The following AHNAK2 variants were observed in gnomAD, a reference collection of about 807,000 sequenced individuals.
AHNAK2 encodes the protein protein AHNAK2.
In AHNAK2, 18 loss-of-function variants were observed where a neutral mutation model predicts 30.7. The observed-to-expected ratio is 0.59, with a 90% CI of 0.41 to 0.87. The LOEUF is 0.87. AHNAK2 is among the 40% of genes least tolerant of loss of function. AHNAK2 has a pLI of 0.00. For missense variants in AHNAK2, 8,604 were observed against 7,373.0 expected (o/e 1.17, Z -6.11); for synonymous variants, 3,590 against 3,073.8 (o/e 1.17, Z -5.56).
Position 104,946,622 on chromosome 14 carries a change from G to T in AHNAK2, c.8829C>A (p.Ser2943Arg), listed in dbSNP as rs756467850. Reference sequence around the variant, plus strand: ...TCGGGGCCTCGACGTCCACCTCCACGCTGGGCAGAGACACCTCCACGTCGG... The same window carrying T: ...TCGGGGCCTCGACGTCCACCTCCACTCTGGGCAGAGACACCTCCACGTCGG... The part of the protein sequence containing the change: ...TAPDVEVSLP[S>R]VEVDVEAPRA... Residue 2943 changes from serine to arginine, a missense_variant, in exon 7 of 7, where the codon AGC becomes AGA. By Grantham distance (110) the Ser-to-Arg change is moderately radical. Transcript: ENST00000333244. 108 of 1,612,478 alleles carry T rather than the reference G, an allele frequency of 6.7e-5. No homozygotes were observed. The highest frequency in any genetic ancestry group is 8.8e-5 in the Non-Finnish European group (104 of 1,179,648).
rs550923990 is a variant in AHNAK2, at chr14:104,948,803, C to G, written c.6648G>C (p.Gln2216His). 4.3e-6 allele frequency: 7 copies of G among 1,609,788 alleles called. No homozygotes were observed. The South Asian group carries it at 7.7e-5, about 18-fold the overall frequency. Residue 2216 changes from glutamine to histidine, a missense_variant, in exon 7 of 7, where the codon CAG becomes CAC. Gln to His is a conservative substitution (Grantham distance 24). Coordinates refer to ENST00000333244, the MANE Select transcript of AHNAK2 (RefSeq NM_138420.4). ...LSADVKVQAGQVDVKLLEGPV... is the reference protein window; with the variant it reads ...LSADVKVQAGHVDVKLLEGPV... The stretch of plus-strand genomic sequence containing the variant: ...GGCCCTCCAGGAGTTTCACGTCCAC[C>G]TGGCCAGCCTGGACCTTCACGTCGG...
chr14:104,940,319 G>A lies in AHNAK2; in HGVS notation c.15132C>T (p.Asp5044=), dbSNP rs370585189. ...SKSGVSLPQR[D]VDPSLSSATA... is the part of the protein sequence containing the mutation. ...TGGCACTAGAAAGGGAAGGATCCAC[G>A]TCTCTCTGTGGCAGGCTGACCCCAC... is the stretch of plus-strand genomic sequence containing the variant. Residue 5044 remains aspartate (D), a synonymous_variant, in exon 7 of 7, where the codon GAC becomes GAT. Transcript: ENST00000333244. This position sits in a 1 kb window ranked among gnomAD's most constrained non-coding sequence, Gnocchi z 4.4. 7.8e-5 allele frequency: 126 copies of A among 1,613,692 alleles called. No individual in the cohort carries two copies. The highest frequency in any genetic ancestry group is 3.3e-4 in the Middle Eastern group (2 of 6,084).
Position 104,952,460 on chromosome 14 carries a change from C to G in AHNAK2, c.2991G>C (p.Lys997Asn). 1.9e-6 allele frequency: 3 copies of G among 1,612,882 alleles called. No individual in the cohort carries two copies. Among genetic ancestry groups the G allele is most frequent in the Non-Finnish European group, 2.5e-6 (3 of 1,179,636 alleles). ...GCATCTTGAACTTGGGCATTTTGAA[C>G]TTGCTGTCTTTGGCAGTCACGTCCT... ...ADKDVTAKDS[K>N]FKMPKFKMPS... Residue 997 changes from lysine to asparagine, a missense_variant, in exon 7 of 7, where the codon AAG (lysine) becomes AAC (asparagine). Physicochemically the swap from Lys to Asn is moderately conservative, Grantham distance 94. Coordinates refer to ENST00000333244, the MANE Select transcript of AHNAK2 (RefSeq NM_138420.4).
In AHNAK2 at chr14:104,950,335, G is replaced by T. The variant is rs184622740; in HGVS notation, c.5116C>A (p.Leu1706Ile). The T allele has an allele frequency of 3.3e-4, 516 of 1,585,128 alleles. 41 individuals are homozygous for T. Among genetic ancestry groups the T allele is most frequent in the East Asian group, 2.1e-3 (93 of 44,328 alleles). The change falls in exon 7 of 7, where the codon CTC (leucine) becomes ATC (isoleucine). Residue 1706 changes from leucine (L) to isoleucine (I), a missense_variant. Physicochemically the swap from Leu to Ile is conservative, Grantham distance 5. Coordinates refer to ENST00000333244, the MANE Select transcript of AHNAK2 (RefSeq NM_138420.4). ...TCGGCGGAAGGGGACTGAATGCTGA[G>T]GTCAGTGGTCTTCAGGTCCCCCTGC... Reference protein sequence around the residue: ...SMQGDLKTTDLSIQSPSADLE... With the variant: ...SMQGDLKTTDISIQSPSADLE...
rs200342474 is a variant in AHNAK2, at chr14:104,948,961, C to T, written c.6490G>A (p.Gly2164Arg). The part of the protein sequence containing the change: ...KMPKFKMPSF[G>R]VSAPGKSIEA... ...ATGGACTTGCCTGGGGCAGACACCCCAAACGACGGCATCTTGAACTTGGGC... is the reference window on the plus strand; with the variant it reads ...ATGGACTTGCCTGGGGCAGACACCCTAAACGACGGCATCTTGAACTTGGGC... The change falls in exon 7 of 7, where the codon GGG becomes AGG. Residue 2164 changes from glycine to arginine, a missense_variant. By Grantham distance (125) the Gly-to-Arg change is moderately radical. Coordinates refer to ENST00000333244, the MANE Select transcript of AHNAK2 (RefSeq NM_138420.4). The T allele has an allele frequency of 4.0e-4, 506 of 1,251,936 alleles. 106 individuals are homozygous for T. In the Middle Eastern group the frequency reaches 4.2e-3, roughly 10 times the overall value. 77.6% of individuals were successfully genotyped at this position (1,251,936 alleles called of 1,614,324 possible). A position where few individuals can be genotyped will look rare whatever the true frequency, so the allele number is the denominator to read the frequency against.
intron 1 of AHNAK2, among the ~76,000 whole-genome samples, chr14:104,972,841 A>G (rs1489229722): frequency 6.6e-6 from 1 of 152,246 alleles, no homozygotes; most frequent in Non-Finnish European, 1.5e-5. Context: ...CCTCGGCTCC[A>G]GAGCCCCTGG....
intron 1 of AHNAK2, among the ~76,000 whole-genome samples, chr14:104,963,409 A>G (rs1257817577): frequency 6.6e-6 from 1 of 152,258 alleles, no homozygotes; most frequent in Non-Finnish European, 1.5e-5. Context: ...TTTCATGTGG[A>G]TTACAGATCC....
rs572124955 is a variant in AHNAK2 at position 104,942,042 on chromosome 14, A to G, written c.13409T>C (p.Met4470Thr). ...DSKFKMPKFK[M>T]PSFGMLSPGK... ...TGGGGACAACATCCCAAAGGATGGC[A>G]TCTTGAACTTGGGCATTTTGAACTT... Residue 4470 changes from methionine to threonine, a missense_variant, in exon 7 of 7, where the codon ATG becomes ACG. Coordinates refer to ENST00000333244, the MANE Select transcript of AHNAK2 (RefSeq NM_138420.4). 1.2e-5 allele frequency: 20 copies of G among 1,611,212 alleles called. No individual in the cohort carries two copies. Among genetic ancestry groups the G allele is most frequent in the Non-Finnish European group, 1.7e-5 (20 of 1,179,168 alleles).
rs555694423 is a variant in AHNAK2 at position 104,945,127 on chromosome 14, C to G, written c.10324G>C (p.Asp3442His). 2.0e-5 allele frequency: 32 copies of G among 1,613,256 alleles called. No individual in the cohort carries two copies. The highest frequency in any genetic ancestry group is 2.5e-5 in the Non-Finnish European group (30 of 1,179,760). The change falls in exon 7 of 7, where the codon GAC becomes CAC. Residue 3442 changes from aspartate (D) to histidine (H), a missense_variant. Transcript: ENST00000333244. ...VEVSLPSVEV[D>H]VQAPRAKLDG... ...AGCTTGGCTCTCGGGGCCTGGACGT[C>G]CACCTCCACGCTGGGCAGAGACACC...
At position 104,941,287 on chromosome 14, in the gene AHNAK2, C is replaced by A; in HGVS notation, c.14164G>T (p.Val4722Phe). ...SSTKTPKDSL[V>F]PGAKSSIGLS... ...CCTATGCTAGACTTTGCACCTGGGA[C>A]TAAACTATCTTTAGGAGTTTTGGTA... is the stretch of plus-strand genomic sequence containing the variant. Residue 4722 changes from valine (V) to phenylalanine (F), a missense_variant, in exon 7 of 7, where the codon GTC (valine) becomes TTC (phenylalanine). Coordinates refer to ENST00000333244, the MANE Select transcript of AHNAK2 (RefSeq NM_138420.4). 6.2e-7 allele frequency: 1 copy of A among 1,613,536 alleles called. No individual in the cohort carries two copies. Among genetic ancestry groups the A allele is most frequent in the South Asian group, 1.1e-5 (1 of 91,072 alleles).
rs745915668 is a variant in AHNAK2 at position 104,942,078 on chromosome 14, G to A, written c.13373C>T (p.Ala4458Val). 1 of 1,609,340 alleles carries A rather than the reference G, an allele frequency of 6.2e-7. No homozygotes were observed. The highest frequency in any genetic ancestry group is 2.2e-5 in the East Asian group (1 of 44,512). Reference sequence around the variant, plus strand: ...GGGCATTTTGAACTTGCTGTCTTTGGCAGTCACGTCCTTGTCAGCCAGGGA... The same window carrying A: ...GGGCATTTTGAACTTGCTGTCTTTGACAGTCACGTCCTTGTCAGCCAGGGA... ...DLSLADKDVT[A>V]KDSKFKMPKF... is the part of the protein sequence containing the mutation. Residue 4458 changes from alanine to valine, a missense_variant, in exon 7 of 7, where the codon GCC (alanine) becomes GTC (valine). Ala to Val is a moderately conservative substitution (Grantham distance 64). Transcript: ENST00000333244.
Position 104,953,651 on chromosome 14 carries a change from T to C in AHNAK2, c.1800A>G (p.Thr600=). The change falls in exon 7 of 7, where the codon ACA becomes ACG. Residue 600 remains threonine (T), a synonymous_variant. Coordinates refer to ENST00000333244, the MANE Select transcript of AHNAK2 (RefSeq NM_138420.4). ...LGWSPSKHTK[T]GREKATEDTE... Reference sequence around the variant, plus strand: ...TGTCTTCTGTGGCTTTTTCTCTGCCTGTCTTTGTGTGCTTGCTTGGCGACC... The same window carrying C: ...TGTCTTCTGTGGCTTTTTCTCTGCCCGTCTTTGTGTGCTTGCTTGGCGACC... 6.2e-7 allele frequency: 1 copy of C among 1,613,952 alleles called. No individual in the cohort carries two copies. The highest frequency in any genetic ancestry group is 8.5e-7 in the Non-Finnish European group (1 of 1,179,888).
At position 104,952,885 on chromosome 14, in the gene AHNAK2, C is replaced by G. The variant is rs116578309; in HGVS notation, c.2566G>C (p.Val856Leu). 9.9e-5 allele frequency: 159 copies of G among 1,612,244 alleles called. 1 individual carries two copies. Among genetic ancestry groups the G allele is most frequent in the Middle Eastern group, 1.6e-4 (1 of 6,062 alleles). ...SAPGKSMEDSVDVSAPKVEAD... is the reference protein window; with the variant it reads ...SAPGKSMEDSLDVSAPKVEAD... Reference sequence around the variant, plus strand: ...TCCACCTTCGGCGCAGACACATCCACCGAGTCCTCCATGGACTTGCCTGGG... The same window carrying G: ...TCCACCTTCGGCGCAGACACATCCAGCGAGTCCTCCATGGACTTGCCTGGG... The change falls in exon 7 of 7, where the codon GTG (valine) becomes CTG (leucine). Residue 856 changes from valine (V) to leucine (L), a missense_variant. Coordinates refer to ENST00000333244, the MANE Select transcript of AHNAK2 (RefSeq NM_138420.4).
chr14:104,964,713 G>A (rs1407002021), intron 1 of AHNAK2, among the ~76,000 whole-genome samples: 1 of 152,236 alleles, frequency 6.6e-6, no homozygotes, highest in Non-Finnish European at 1.5e-5. Flanking sequence ...CGTACCGGGG[G>A]AGCCCGTCAC....
rs1300168896 is a variant in AHNAK2 at position 104,940,899 on chromosome 14, G to A, written c.14552C>T (p.Ser4851Phe). The A allele has an allele frequency of 6.2e-7, 1 of 1,612,658 alleles. No individual in the cohort carries two copies. The highest frequency in any genetic ancestry group is 1.1e-5 in the South Asian group (1 of 91,018). ...CTGACCAAGAGAAACAGGAATCATGGAATTCAGTGGGCCAGAGTGACTCTC... is the reference window on the plus strand; with the variant it reads ...CTGACCAAGAGAAACAGGAATCATGAAATTCAGTGGGCCAGAGTGACTCTC... Reference protein sequence around the residue: ...QAESHSGPLNSMIPVSLGQVS... With the variant: ...QAESHSGPLNFMIPVSLGQVS... The change falls in exon 7 of 7, where the codon TCC becomes TTC. Residue 4851 changes from serine to phenylalanine, a missense_variant. Transcript: ENST00000333244. This position sits in a 1 kb window ranked among gnomAD's most constrained non-coding sequence, Gnocchi z 4.4.
rs1898797273 is a variant in AHNAK2, at chr14:104,952,577, C to T, written c.2874G>A (p.Glu958=). Residue 958 remains glutamate, a synonymous_variant, in exon 7 of 7, where the codon GAG becomes GAA. Transcript: ENST00000333244. ...CCACCTCCATGCTGGGCAGAGACAC[C>T]TCGCCATCGGGGGCTGTCACTTCCG... The part of the protein sequence containing the change: ...PKAEVTAPDG[E]VSLPSMEVDV... 7 of 1,612,916 alleles carry T rather than the reference C, an allele frequency of 4.3e-6. No homozygotes were observed. The highest frequency in any genetic ancestry group is 5.9e-6 in the Non-Finnish European group (7 of 1,179,734).
At chr14:104,970,064 C>T (rs952535270) in intron 1 of AHNAK2, among the ~76,000 whole-genome samples, 1 of 152,194 alleles carries the variant, frequency 6.6e-6, no homozygotes, top group African/African-American at 2.4e-5. Context: ...TGCAGACCTG[C>T]GGCTGCCCTG....
In AHNAK2 at chr14:104,978,258, G is replaced by C. The variant is rs1402811456; in HGVS notation, c.-21C>G. On this transcript the variant is annotated 5_prime_UTR_variant, in exon 1 of 7. Coordinates refer to ENST00000333244, the MANE Select transcript of AHNAK2 (RefSeq NM_138420.4). Reference sequence around the variant, plus strand: ...CACATCGCGGCGGCCAGGCGGTGCGGGCCTGGCGGCCCGTCGCGTCCAGTC... The same window carrying C: ...CACATCGCGGCGGCCAGGCGGTGCGCGCCTGGCGGCCCGTCGCGTCCAGTC... 2.5e-6 allele frequency: 3 copies of C among 1,186,640 alleles called. No individual in the cohort carries two copies. In the African/African-American group the frequency reaches 4.8e-5, roughly 19 times the overall value. The allele number at this position is 1,186,640 out of a possible 1,614,324, so 73.5% of individuals were successfully genotyped here.
intron 1 of AHNAK2, among the ~76,000 whole-genome samples, chr14:104,960,667 T>C (rs1899110285): frequency 6.6e-6 from 1 of 151,898 alleles, no homozygotes; most frequent in Non-Finnish European, 1.5e-5. Context: ...GTAAATGGGG[T>C]TGAGAAAATT....
Sources: gnomAD v4.1 joint callset for allele counts (sites outside exome capture counted in the v4.1 genomes callset) on GRCh38, gnomAD v4.1.1 for gene constraint, Gnocchi (gnomAD v3.1) non-coding constraint, MANE v1.5 for transcripts, NCBI Gene and HGNC (gene_info 2026-07-23, HGNC 2026-07-21) for gene names.